CDC42BPA: variants seen among roughly 807,000 people sequenced by gnomAD.
CDC42BPA encodes serine/threonine-protein kinase MRCK alpha.
Under a neutral mutation model 223.5 loss-of-function variants are expected in CDC42BPA, and 80 were observed. The observed-to-expected ratio is 0.36, with a 90% confidence interval of 0.30 to 0.43. The LOEUF (loss-of-function observed/expected upper bound fraction) is 0.43, where lower values mean the gene tolerates loss of function less well. CDC42BPA is among the 20% of genes least tolerant of loss of function. The pLI, the probability that CDC42BPA is intolerant of heterozygous loss-of-function variation, is 1.00. For missense variants in CDC42BPA, 1,743 were observed against 2,099.9 expected, an observed-to-expected ratio of 0.83 and a Z score of 3.32; for synonymous variants, 694 against 718.6, an observed-to-expected ratio of 0.97 and a Z score of 0.55.
intron 32 of CDC42BPA, among the ~76,000 whole-genome samples, chr1:227,021,274 T>A (rs1667325606): frequency 6.6e-6 from 1 of 152,068 alleles, no homozygotes; most frequent in South Asian, 2.1e-4. Context: ...ACCTGCGACT[T>A]GTAAACAATG....
intron 14 of CDC42BPA, among the ~76,000 whole-genome samples, chr1:227,108,022 T>A (rs1331660377): frequency 2.6e-5 from 4 of 151,908 alleles, no homozygotes; most frequent in Admixed American, 2.0e-4. Flanking sequence ...AGGCTGTCAA[T>A]TTTGTTGACT....
intron 1 of CDC42BPA, among the ~76,000 whole-genome samples, chr1:227,269,433 C>T (rs1030997840): frequency 1.7e-4 from 26 of 152,142 alleles, no homozygotes; most frequent in Admixed American, 4.6e-4. Context: ...TATAATGGAG[C>T]ATATTCACAT....
chr1:227,071,843 T>C (rs1413371109), intron 20 of CDC42BPA, among the ~76,000 whole-genome samples: 1 of 151,222 alleles, frequency 6.6e-6, no homozygotes, highest in Non-Finnish European at 1.5e-5. Flanking sequence ...CCTCATATCA[T>C]AGCATTTGAG....
At chr1:227,209,416 G>T (rs1673453596) in intron 3 of CDC42BPA, among the ~76,000 whole-genome samples, 1 of 141,666 alleles carries the variant, frequency 7.1e-6, no homozygotes, top group Non-Finnish European at 1.5e-5. Context: ...GGTGAGAGAG[G>T]GCATCCCTGT....
chr1:227,080,802 A>T, intron 17 of CDC42BPA, 91 bp downstream of exon 17: 1 of 1,406,206 alleles, frequency 7.1e-7, no homozygotes, highest in Middle Eastern at 1.8e-4. Flanking sequence ...CAAATGAGAT[A>T]AAAACCATTA....
intron 11 of CDC42BPA, among the ~76,000 whole-genome samples, chr1:227,123,842 GGAGA>G (rs142486111): frequency 6.6e-6 from 1 of 151,338 alleles, no homozygotes; most frequent in Non-Finnish European, 1.5e-5. Flanking sequence ...GGTAGGGAGG[GGAGA>G]GAGAGAGAGA....
chr1:227,216,615 T>G (rs1051097205), intron 2 of CDC42BPA, among the ~76,000 whole-genome samples: 1 of 152,304 alleles, frequency 6.6e-6, no homozygotes, highest in Admixed American at 6.5e-5. Context: ...ACACTGCAAG[T>G]CATACTGATA....
At chr1:227,291,073 A>T (rs1488412971) in intron 1 of CDC42BPA, among the ~76,000 whole-genome samples, 1 of 152,120 alleles carries the variant, frequency 6.6e-6, no homozygotes, top group Non-Finnish European at 1.5e-5. Flanking sequence ...ACCAATACCA[A>T]TTATATTGGT....
intron 1 of CDC42BPA, among the ~76,000 whole-genome samples, chr1:227,256,446 T>G (rs1395821327): frequency 2.6e-5 from 4 of 152,098 alleles, no homozygotes. Context: ...GTAACAAACC[T>G]GCATGTTCTG....
At chr1:227,159,253 G>A (rs377316938) in intron 6 of CDC42BPA, among the ~76,000 whole-genome samples, 9 of 152,236 alleles carry the variant, frequency 5.9e-5, no homozygotes, top group East Asian at 1.9e-4. Context: ...TTGGGAGGCC[G>A]AGGTGGGCAG....
At chr1:226,999,132 A>T (rs533282143) in intron 35 of CDC42BPA, among the ~76,000 whole-genome samples, 1 of 152,176 alleles carries the variant, frequency 6.6e-6, no homozygotes, top group Non-Finnish European at 1.5e-5. Flanking sequence ...ATCATTAAAA[A>T]ATCAGGAAAC....
Position 227,220,311 on chromosome 1 carries a change from TACAC to T in CDC42BPA, c.271-7096_271-7093del, listed in dbSNP as rs58845901. ...ATATATATATATATATATATATATATACACACACACACACACATACATATATGGA... is the reference window on the plus strand; with the variant it reads ...ATATATATATATATATATATATATATACACACACACACATACATATATGGA... On this transcript the variant is annotated intron_variant, in intron 2 of 36. Coordinates refer to ENST00000366766, the MANE Select transcript of CDC42BPA (RefSeq NM_001394014.1). Among the ~76,000 whole-genome samples the T allele has an allele frequency of 7.3e-3, 360 of 49,456 alleles. 1 individual carries two copies. The highest frequency in any genetic ancestry group is 0.022 in the African/African-American group (307 of 13,960). 32.4% of individuals were successfully genotyped at this position (49,456 alleles called of 152,430 possible). A position where few individuals can be genotyped will look rare whatever the true frequency, so the allele number is the denominator to read the frequency against.
At chr1:227,187,410 A>G (rs1668949323) in intron 5 of CDC42BPA, among the ~76,000 whole-genome samples, 1 of 151,820 alleles carries the variant, frequency 6.6e-6, no homozygotes, top group Non-Finnish European at 1.5e-5. Context: ...TAGACTAGAC[A>G]CCACTTAGAA....
intron 10 of CDC42BPA, among the ~76,000 whole-genome samples, chr1:227,138,578 A>C (rs1659095625): frequency 6.6e-6 from 1 of 151,540 alleles, no homozygotes; most frequent in East Asian, 1.9e-4. Context: ...ATAGGGTCAA[A>C]TATTGCTGAT....
intron 2 of CDC42BPA, among the ~76,000 whole-genome samples, chr1:227,225,716 G>A (rs913577181): frequency 1.3e-5 from 2 of 152,068 alleles, no homozygotes; most frequent in Admixed American, 6.6e-5. Context: ...TTCTTTCACT[G>A]ATTTCCAAAT....
At chr1:227,160,780 A>C in intron 5 of CDC42BPA, 144 bp from the exon 6 acceptor site, 1 of 550,408 alleles carries the variant, frequency 1.8e-6, no homozygotes, top group Non-Finnish European at 3.2e-6. Context: ...TATTAATTCA[A>C]ATCCTGGTTC....
chr1:227,024,943 A>G (rs1028132881), intron 31 of CDC42BPA, among the ~76,000 whole-genome samples: 1 of 152,196 alleles, frequency 6.6e-6, no homozygotes, highest in Non-Finnish European at 1.5e-5. Flanking sequence ...CAAAAATTAC[A>G]TGATAAAAAT....
chr1:227,285,783 TCAAATTA>T (rs1004262197), intron 1 of CDC42BPA, among the ~76,000 whole-genome samples: 4 of 152,162 alleles, frequency 2.6e-5, no homozygotes, highest in Non-Finnish European at 5.9e-5. Flanking sequence ...TCTGAACAAT[TCAAATTA>T]TGTCAGCAAA....
chr1:227,100,667 G>A (rs1684856478), intron 15 of CDC42BPA, among the ~76,000 whole-genome samples: 1 of 151,456 alleles, frequency 6.6e-6, no homozygotes, highest in African/African-American at 2.4e-5. Context: ...GAACTCCTGG[G>A]CTCAAGTAAG....
Sources: gnomAD v4.1 joint callset for allele counts (sites outside exome capture counted in the v4.1 genomes callset) on GRCh38, gnomAD v4.1.1 for gene constraint, MANE v1.5 for transcripts, NCBI Gene and HGNC (gene_info 2026-07-23, HGNC 2026-07-21) for gene names.